MAP3K20: variants seen among roughly 807,000 people sequenced by gnomAD.
The protein encoded by MAP3K20 is mitogen-activated protein kinase kinase kinase 20.
Under a neutral mutation model 85.7 loss-of-function variants are expected in MAP3K20, and 40 were observed. The observed-to-expected ratio is 0.47, with a 90% CI of 0.36 to 0.61. MAP3K20 has a LOEUF of 0.61. MAP3K20 is among the 20% of genes least tolerant of loss of function. MAP3K20 has a pLI of 0.00. For missense variants in MAP3K20, 817 were observed against 961.7 expected, an observed-to-expected ratio of 0.85 and a Z score of 1.99; for synonymous variants, 325 against 327.7, an observed-to-expected ratio of 0.99 and a Z score of 0.09.
At chr2:173,088,945 G>A (rs569816760) in intron 1 of MAP3K20, among the ~76,000 whole-genome samples, 2 of 152,242 alleles carry the variant, frequency 1.3e-5, no homozygotes, top group African/African-American at 2.4e-5. Context: ...AACTTTAGAG[G>A]ATGAACAAAT....
intron 10 of MAP3K20, chr2:173,210,375 C>G (rs1420137452): frequency 6.5e-6 from 1 of 153,592 alleles, no homozygotes; most frequent in Admixed American, 6.4e-5. Flanking sequence ...AAATTGAAAT[C>G]CTGTCTTCTG....
At chr2:173,111,025 G>A (rs1687960224) in intron 2 of MAP3K20, among the ~76,000 whole-genome samples, 1 of 152,176 alleles carries the variant, frequency 6.6e-6, no homozygotes, top group East Asian at 1.9e-4. Context: ...CATAGCGGCT[G>A]TACTAGTTTA....
intron 1 of MAP3K20, among the ~76,000 whole-genome samples, chr2:173,079,240 A>AT (rs1686948926): frequency 6.6e-6 from 1 of 152,238 alleles, no homozygotes; most frequent in South Asian, 2.1e-4. Flanking sequence ...CTATCGAAAA[A>AT]TAGAAAAGGC....
At chr2:173,120,987 G>A (rs1201819456) in intron 2 of MAP3K20, among the ~76,000 whole-genome samples, 2 of 151,490 alleles carry the variant, frequency 1.3e-5, no homozygotes, top group African/African-American at 4.8e-5. Flanking sequence ...GATTACAGGC[G>A]TGAGCCACTG....
rs1690339401 is a variant in MAP3K20 at position 173,181,877 on chromosome 2, C to CTACCAAAAAAAG, written c.248-977_248-976insTACCAAAAAAAG. Among the ~76,000 whole-genome samples the CTACCAAAAAAAG allele has an allele frequency of 7.8e-5, 7 of 89,954 alleles. No individual in the cohort carries two copies. The South Asian group carries it at 3.0e-3, about 38-fold the overall frequency. 59.0% of individuals were successfully genotyped at this position (89,954 alleles called of 152,430 possible). A position where few individuals can be genotyped will look rare whatever the true frequency, so the allele number is the denominator to read the frequency against. ...TACCCTAAGCAACACAGCAAGACCT[C>CTACCAAAAAAAG]ATCTCTACCAAAAAAAAAAAAAAAA... On this transcript the variant is annotated intron_variant, in intron 3 of 19. Coordinates refer to ENST00000375213, the MANE Select transcript of MAP3K20 (RefSeq NM_016653.3).
intron 2 of MAP3K20, among the ~76,000 whole-genome samples, chr2:173,162,071 G>GGAAACAAAAAAAATTAC (rs1689675410): frequency 6.6e-6 from 1 of 151,308 alleles, no homozygotes; most frequent in Non-Finnish European, 1.5e-5. Flanking sequence ...AAAGAATTTG[G>GGAAACAAAAAAAATTAC]GAAACAAAAA....
At chr2:173,239,287 CAA>C in intron 15 of MAP3K20, 115 bp from the exon 16 acceptor site, 1 of 766,204 alleles carries the variant, frequency 1.3e-6, no homozygotes. Context: ...CCAAAATAAC[CAA>C]AAGTTAATAG....
chr2:173,088,788 A>G lies in MAP3K20; in HGVS notation c.-34-2210A>G, dbSNP rs567439404. ...CCTTGGCAACATTCCTGAATTTTAT[A>G]CAAATTTTGTTCTTTTCCATGTTTA... On this transcript the variant is annotated intron_variant, in intron 1 of 19. Coordinates refer to ENST00000375213, the MANE Select transcript of MAP3K20 (RefSeq NM_016653.3). Among the ~76,000 whole-genome samples, 5 of 152,324 alleles carry G rather than the reference A, an allele frequency of 3.3e-5. No individual in the cohort carries two copies. In the South Asian group the frequency reaches 1.0e-3, roughly 32 times the overall value.
chr2:173,126,402 C>CAA (rs1434208105), intron 2 of MAP3K20, among the ~76,000 whole-genome samples: 2 of 151,850 alleles, frequency 1.3e-5, no homozygotes, highest in Non-Finnish European at 1.5e-5. Context: ...GTTTTTGAGA[C>CAA]AGAGTCTCAC....
intron 12 of MAP3K20, among the ~76,000 whole-genome samples, chr2:173,230,900 G>A (rs1684508260): frequency 6.6e-6 from 1 of 152,144 alleles, no homozygotes; most frequent in South Asian, 2.1e-4. Flanking sequence ...GGAGACTGAG[G>A]CAAGAGAATC....
chr2:173,184,994 C>T (rs1015739592), intron 4 of MAP3K20, among the ~76,000 whole-genome samples: 3 of 152,014 alleles, frequency 2.0e-5, no homozygotes, highest in Non-Finnish European at 4.4e-5. Context: ...ATAATCCTAG[C>T]ACTTTGGGAA....
chr2:173,198,179 T>C lies in MAP3K20; in HGVS notation c.669+67T>C. ...CAGTATTGGGGTTTTGCAAAAGACT[T>C]TTTCATCTTCTTCAAATTGAAAGTA... On this transcript the variant is annotated intron_variant, in intron 8 of 19. Transcript: ENST00000375213. This position sits in a 1 kb window ranked among gnomAD's most constrained non-coding sequence, Gnocchi z 5.8. The C allele has an allele frequency of 7.2e-7, 1 of 1,396,956 alleles. No individual in the cohort carries two copies. The highest frequency in any genetic ancestry group is 2.3e-5 in the East Asian group (1 of 42,588). 86.5% of individuals were successfully genotyped at this position (1,396,956 alleles called of 1,614,324 possible). A position where few individuals can be genotyped will look rare whatever the true frequency, so the allele number is the denominator to read the frequency against.
chr2:173,143,416 CT>C (rs1438892940), intron 2 of MAP3K20, among the ~76,000 whole-genome samples: 4 of 152,138 alleles, frequency 2.6e-5, no homozygotes, highest in Admixed American at 6.5e-5. Context: ...ATATCCCCCC[CT>C]AAGCAACTGA....
At chr2:173,110,220 TATATATATATATATATATATA>T (rs1169427438) in intron 2 of MAP3K20, among the ~76,000 whole-genome samples, 124 of 8,116 alleles carry the variant, frequency 0.015, 1 homozygote, top group East Asian at 0.028. Flanking sequence ...TATATATATA[TATATATATATATATATATATA>T]TTTTTTTTTT....
chr2:173,111,103 A>AT (rs532044494), intron 2 of MAP3K20, among the ~76,000 whole-genome samples: 112 of 151,962 alleles, frequency 7.4e-4, no homozygotes, highest in Middle Eastern at 3.4e-3. Flanking sequence ...TTGTTTTTTG[A>AT]TTTTTTTGAT....
chr2:173,265,628 C>A (rs770329118), intron 19 of MAP3K20, among the ~76,000 whole-genome samples: 1 of 152,180 alleles, frequency 6.6e-6, no homozygotes, highest in African/African-American at 2.4e-5. Context: ...GCCACCTGAA[C>A]ATACTTTCTA....
chr2:173,093,923 T>G (rs902692083), intron 2 of MAP3K20, among the ~76,000 whole-genome samples: 14 of 143,174 alleles, frequency 9.8e-5, no homozygotes, highest in African/African-American at 3.4e-4. Flanking sequence ...CTCACTCATA[T>G]GTGGGAATTG....
At chr2:173,190,873 T>C (rs377530401) in intron 5 of MAP3K20, 22 bp from the exon 6 acceptor site, 10 of 1,573,452 alleles carry the variant, frequency 6.4e-6, no homozygotes, top group Non-Finnish European at 8.7e-6. Context: ...TTGTCATAAT[T>C]TATCCTTTTT....
intron 7 of MAP3K20, among the ~76,000 whole-genome samples, chr2:173,197,546 G>A (rs141146198): frequency 0.013 from 1,935 of 152,268 alleles, 23 homozygotes; most frequent in Middle Eastern, 0.024. Context: ...TACCATTGTG[G>A]GGTAGGTAGG....
Sources: allele counts gnomAD v4.1 joint callset (sites outside exome capture counted in the v4.1 genomes callset), GRCh38; gene constraint gnomAD v4.1.1; non-coding constraint Gnocchi (gnomAD v3.1); transcripts MANE v1.5; gene names NCBI Gene and HGNC (gene_info 2026-07-23, HGNC 2026-07-21).